The following CABIN1 variants were observed in gnomAD, a reference collection of about 807,000 sequenced individuals.
CABIN1 encodes the protein calcineurin binding protein 1.
A neutral mutation model predicts 227.7 loss-of-function variants in CABIN1; 133 were observed. That is an observed-to-expected ratio of 0.58 (90% CI 0.51 to 0.67). The LOEUF (loss-of-function observed/expected upper bound fraction) is 0.67, where lower values mean the gene tolerates loss of function less well. CABIN1 is among the 30% of genes least tolerant of loss of function. CABIN1 has a pLI of 0.00. For synonymous variants in CABIN1, 1,086 were observed against 1,155.1 expected (o/e 0.94, Z 1.21); for missense variants, 2,408 against 2,852.5 (o/e 0.84, Z 3.55).
At chr22:24,157,784 C>T (rs1331590442) in intron 29 of CABIN1, among the ~76,000 whole-genome samples, 1 of 152,190 alleles carries the variant, frequency 6.6e-6, no homozygotes, top group Non-Finnish European at 1.5e-5. Flanking sequence ...AGATTCCATC[C>T]CCTTCCTGGC....
Position 24,076,204 on chromosome 22 carries a change from A to C in CABIN1, c.2668A>C (p.Met890Leu). Residue 890 changes from methionine to leucine, a missense_variant, in exon 19 of 37, where the codon ATG (methionine) becomes CTG (leucine). Physicochemically the swap from Met to Leu is conservative, Grantham distance 15 (BLOSUM62 2). Coordinates refer to ENST00000263119, the MANE Select transcript of CABIN1 (RefSeq NM_012295.4). ...GACGCCCATGCTCCCATCCTCCCTCATGCTGCTGAACACAGCCCACGAGTA... is the reference window on the plus strand; with the variant it reads ...GACGCCCATGCTCCCATCCTCCCTCCTGCTGCTGAACACAGCCCACGAGTA... The part of the protein sequence containing the change: ...SETPMLPSSL[M>L]LLNTAHEYLG... 1 of 1,614,114 alleles carries C rather than the reference A, an allele frequency of 6.2e-7. No homozygotes were observed. Among genetic ancestry groups the C allele is most frequent in the Non-Finnish European group, 8.5e-7 (1 of 1,180,006 alleles).
intron 8 of CABIN1, among the ~76,000 whole-genome samples, chr22:24,052,340 G>A (rs1456744531): frequency 2.0e-5 from 3 of 151,100 alleles, no homozygotes; most frequent in African/African-American, 7.3e-5. Context: ...CAGAGGACAT[G>A]ATGCTTTTAT....
At position 24,064,224 on chromosome 22, in the gene CABIN1, A is replaced by G. The variant is rs377305754; in HGVS notation, c.2037+37A>G. The G allele has an allele frequency of 2.5e-6, 4 of 1,610,950 alleles. No homozygotes were observed. The African/African-American group carries it at 4.0e-5, about 16-fold the overall frequency. ...TTTTCGTTTGTTTGTTTGTTTCCTG[A>G]GATGGAGTTTCACTTTTGTCGCCTA... is the stretch of plus-strand genomic sequence containing the variant. On this transcript the variant is annotated intron_variant, in intron 15 of 36. Coordinates refer to ENST00000263119, the MANE Select transcript of CABIN1 (RefSeq NM_012295.4).
At chr22:24,058,773 C>T (rs896923581) in intron 10 of CABIN1, among the ~76,000 whole-genome samples, 2 of 152,194 alleles carry the variant, frequency 1.3e-5, no homozygotes, top group African/African-American at 4.8e-5. Flanking sequence ...GAACATTATC[C>T]CCTCTCAAAG....
At chr22:24,033,853 T>C (rs1022701292) in intron 1 of CABIN1, among the ~76,000 whole-genome samples, 6 of 152,140 alleles carry the variant, frequency 3.9e-5, no homozygotes, top group Non-Finnish European at 7.3e-5. Context: ...CCACAATCAG[T>C]TTTAGAACAT....
rs140239066 is a variant in CABIN1, at chr22:24,055,149, C to T, written c.1083C>T (p.Gly361=). The T allele has an allele frequency of 1.9e-4, 305 of 1,611,694 alleles. 1 individual carries two copies. In the East Asian group the frequency reaches 5.5e-3, roughly 29 times the overall value. ...ACAGTCCTGGTCTGTTGGAGACAGG[C>T]GCTCCTGTGGGTAAGCAGGCCCCCT... The part of the protein sequence containing the change: ...PLHSPGLLET[G]APVGDISGGD... The change falls in exon 9 of 37, where the codon GGC becomes GGT. Residue 361 remains glycine, a synonymous_variant. Coordinates refer to ENST00000263119, the MANE Select transcript of CABIN1 (RefSeq NM_012295.4).
In CABIN1 at chr22:24,166,830, G is replaced by A; in HGVS notation, c.5199G>A (p.Val1733=). The A allele has an allele frequency of 6.2e-7, 1 of 1,613,026 alleles. No individual in the cohort carries two copies. The highest frequency in any genetic ancestry group is 2.2e-5 in the East Asian group (1 of 44,884). The change falls in exon 32 of 37, where the codon GTG becomes GTA. Residue 1733 remains valine (V), a synonymous_variant. Coordinates refer to ENST00000263119, the MANE Select transcript of CABIN1 (RefSeq NM_012295.4). ...TGGGCCTCCTCAACCACCGGCCTGT[G>A]GCCATGGATGCAGGAGACAGTGCAG... ...GKVGLLNHRP[V]AMDAGDSADQ...
intron 26 of CABIN1, among the ~76,000 whole-genome samples, chr22:24,111,659 G>T: frequency 6.6e-6 from 1 of 152,198 alleles, no homozygotes; most frequent in East Asian, 1.9e-4. Context: ...AATATCTCAT[G>T]CAAGAATATT....
chr22:24,151,453 C>A (rs775794278), intron 29 of CABIN1, among the ~76,000 whole-genome samples: 1 of 152,120 alleles, frequency 6.6e-6, no homozygotes, highest in African/African-American at 2.4e-5. Context: ...GAAGATGGAT[C>A]GACTGCCCTA....
chr22:24,041,164 A>T lies in CABIN1; in HGVS notation c.236A>T (p.Glu79Val). 6.2e-7 allele frequency: 1 copy of T among 1,614,192 alleles called. No homozygotes were observed. Among genetic ancestry groups the T allele is most frequent in the East Asian group, 2.2e-5 (1 of 44,890 alleles). Residue 79 changes from glutamate (E) to valine (V), a missense_variant, in exon 5 of 37, where the codon GAG becomes GTG. This residue lies in a region of CABIN1 where 1,045 missense variants were observed against 1,168.4 expected (regional missense o/e 0.89). Coordinates refer to ENST00000263119, the MANE Select transcript of CABIN1 (RefSeq NM_012295.4). ...GCAGTTTCATCCGGTGATGAGAAAG[A>T]GGGGTTGAAACACCCTGGGCTGATA... is the stretch of plus-strand genomic sequence containing the variant. ...REAVSSGDEK[E>V]GLKHPGLILK...
chr22:24,174,201 C>T (rs2046984641), intron 34 of CABIN1, among the ~76,000 whole-genome samples: 2 of 151,846 alleles, frequency 1.3e-5, no homozygotes, highest in South Asian at 4.2e-4. Context: ...GATCATGGCT[C>T]ACTGCAGCTT....
chr22:24,148,498 G>C (rs1428175502), intron 29 of CABIN1, among the ~76,000 whole-genome samples: 1 of 152,230 alleles, frequency 6.6e-6, no homozygotes. Flanking sequence ...GGGCTCTGAA[G>C]ACCATAGCAC....
At chr22:24,062,129 T>A in intron 13 of CABIN1, 104 bp downstream of exon 13, 1 of 912,160 alleles carries the variant, frequency 1.1e-6, no homozygotes, top group Non-Finnish European at 1.8e-6. Context: ...GCCTTATATC[T>A]ACAGTAGGCA....
Position 24,038,334 on chromosome 22 carries a change from G to T in CABIN1, c.97-14G>T. On this transcript the variant is annotated splice_polypyrimidine_tract_variant and intron_variant, in intron 3 of 36. Transcript: ENST00000263119. ...TTTATGCTGTATGAAAACATCTCTTGTCTTGATTTGCAGGAAGCAGAGGCT... is the reference window on the plus strand; with the variant it reads ...TTTATGCTGTATGAAAACATCTCTTTTCTTGATTTGCAGGAAGCAGAGGCT... 1 of 1,599,192 alleles carries T rather than the reference G, an allele frequency of 6.3e-7. No individual in the cohort carries two copies.
At chr22:24,035,214 C>T (rs2036778172) in intron 1 of CABIN1, among the ~76,000 whole-genome samples, 1 of 152,150 alleles carries the variant, frequency 6.6e-6, no homozygotes, top group Non-Finnish European at 1.5e-5. Flanking sequence ...AAGGATTGTT[C>T]TCACTCTTTT....
intron 1 of CABIN1, among the ~76,000 whole-genome samples, chr22:24,017,476 G>A (rs1243471526): frequency 6.6e-6 from 1 of 152,122 alleles, no homozygotes; most frequent in African/African-American, 2.4e-5. Context: ...CCATTAAACA[G>A]GAATTCCCAT....
At chr22:24,130,942 C>T (rs1368732575) in intron 28 of CABIN1, among the ~76,000 whole-genome samples, 4 of 152,224 alleles carry the variant, frequency 2.6e-5, no homozygotes, top group African/African-American at 9.6e-5. Flanking sequence ...AGAAACCTCT[C>T]CCACTGCCTT....
chr22:24,128,850 C>T (rs1392487733), intron 28 of CABIN1, among the ~76,000 whole-genome samples: 1 of 152,142 alleles, frequency 6.6e-6, no homozygotes, highest in African/African-American at 2.4e-5. Flanking sequence ...AGGATCCCCA[C>T]CAGACAGTTT....
chr22:24,173,047 T>A (rs948781034), intron 34 of CABIN1: 2 of 152,270 alleles, frequency 1.3e-5, no homozygotes, highest in African/African-American at 4.8e-5. Flanking sequence ...CATCCAGCGA[T>A]GGACCAGTTT....
Sources: gnomAD v4.1 joint callset for allele counts (sites outside exome capture counted in the v4.1 genomes callset) on GRCh38, gnomAD v4.1.1 for gene constraint, gnomAD v4.1.1 regional missense constraint, MANE v1.5 for transcripts, NCBI Gene and HGNC (gene_info 2026-07-23, HGNC 2026-07-21) for gene names.